Variants in CENPP observed in about 807,000 individuals in gnomAD.
CENPP encodes the protein centromere protein P.
In CENPP, 24 loss-of-function variants were observed where a neutral mutation model predicts 35.6. The observed-to-expected ratio is 0.67, with a 90% CI of 0.49 to 0.95. CENPP has a LOEUF of 0.95. Ranked by LOEUF, CENPP falls within the 40% of genes least tolerant of loss-of-function variation. The pLI, the probability that CENPP is intolerant of heterozygous loss-of-function variation, is 0.00. For synonymous variants in CENPP, 120 were observed against 125.5 expected (o/e 0.96, Z 0.29); for missense variants, 332 against 345.3 (o/e 0.96, Z 0.31).
rs16908474 is a variant in CENPP, at chr9:92,613,694, A to G, written c.*545A>G. 0.019 allele frequency: 2,958 copies of G among 157,322 alleles called. 98 individuals are homozygous for G. The highest frequency in any genetic ancestry group is 0.067 in the African/African-American group (2,789 of 41,580). 9.7% of individuals were successfully genotyped at this position (157,322 alleles called of 1,614,324 possible). On this transcript the variant is annotated 3_prime_UTR_variant, in exon 8 of 8. Transcript: ENST00000375587. The stretch of plus-strand genomic sequence containing the variant: ...CCTCATGCTGTTCTTGGTCTTCCAC[A>G]AGAAAGTGAAGCTGTCAGCTTAATA...
chr9:92,355,367 G>T (rs778776683), intron 4 of CENPP, among the ~76,000 whole-genome samples: 7 of 151,646 alleles, frequency 4.6e-5, no homozygotes, highest in African/African-American at 1.7e-4. Context: ...CTACTTGCAT[G>T]TCTGTTTTTT....
intron 5 of CENPP, among the ~76,000 whole-genome samples, chr9:92,496,744 AT>A (rs889148227): frequency 6.6e-6 from 1 of 152,218 alleles, no homozygotes; most frequent in African/African-American, 2.4e-5. Context: ...GAATGAAAAG[AT>A]TTAAAATTTA....
At chr9:92,359,830 T>C (rs1841696619) in intron 4 of CENPP, among the ~76,000 whole-genome samples, 2 of 151,586 alleles carry the variant, frequency 1.3e-5, no homozygotes, top group African/African-American at 4.9e-5. Flanking sequence ...ATAAGCTGTG[T>C]GTAAGCTGCT....
intron 5 of CENPP, among the ~76,000 whole-genome samples, chr9:92,518,227 G>A (rs1200297784): frequency 6.6e-6 from 1 of 152,156 alleles, no homozygotes; most frequent in Non-Finnish European, 1.5e-5. Context: ...CTAATGTGGG[G>A]ACACAGGGGC....
chr9:92,345,574 T>G (rs1841269327), intron 3 of CENPP, 125 bp from the exon 4 acceptor site: 1 of 621,468 alleles, frequency 1.6e-6, no homozygotes, highest in African/African-American at 1.9e-5. Context: ...TTGTTTTTGT[T>G]TTGTTTCTGT....
chr9:92,333,985 T>C (rs1173237348), intron 2 of CENPP, among the ~76,000 whole-genome samples: 1 of 152,252 alleles, frequency 6.6e-6, no homozygotes, highest in Non-Finnish European at 1.5e-5. Flanking sequence ...TTTAGAACTT[T>C]CTTTTGGAAT....
intron 5 of CENPP, among the ~76,000 whole-genome samples, chr9:92,416,060 A>G (rs575697284): frequency 0.023 from 2,199 of 94,148 alleles, 37 homozygotes; most frequent in East Asian, 0.068. Flanking sequence ...ATATGTGTGT[A>G]TATATATATA....
chr9:92,562,989 G>C (rs1008532452), intron 5 of CENPP, among the ~76,000 whole-genome samples: 1 of 151,924 alleles, frequency 6.6e-6, no homozygotes, highest in African/African-American at 2.4e-5. Context: ...AGTGTCCAGG[G>C]GGATGAAAAA....
chr9:92,330,164 T>G (rs1840696366), intron 1 of CENPP, among the ~76,000 whole-genome samples: 1 of 152,214 alleles, frequency 6.6e-6, no homozygotes, highest in African/African-American at 2.4e-5. Flanking sequence ...TAAGTCCAGA[T>G]GTCAGGCAAG....
At position 92,614,108 on chromosome 9, in the gene CENPP, C is replaced by T. The variant is rs1233908789; in HGVS notation, c.*959C>T. The stretch of plus-strand genomic sequence containing the variant: ...ACAGGCTGTTTTCATCGTGTCTAGT[C>T]CAGCCCTGTCTGGGCCCTGTGCTAG... On this transcript the variant is annotated 3_prime_UTR_variant, in exon 8 of 8. Transcript: ENST00000375587. The T allele has an allele frequency of 1.3e-5, 2 of 152,308 alleles. No homozygotes were observed. The highest frequency in any genetic ancestry group is 2.4e-5 in the African/African-American group (1 of 41,448). 9.4% of individuals were successfully genotyped at this position (152,308 alleles called of 1,614,324 possible).
At chr9:92,472,031 T>C (rs996177131) in intron 5 of CENPP, among the ~76,000 whole-genome samples, 1 of 152,202 alleles carries the variant, frequency 6.6e-6, no homozygotes, top group African/African-American at 2.4e-5. Flanking sequence ...CATTCTATCC[T>C]ACAGCTCTAT....
At chr9:92,586,023 G>A (rs1382301547) in intron 5 of CENPP, among the ~76,000 whole-genome samples, 1 of 152,118 alleles carries the variant, frequency 6.6e-6, no homozygotes. Context: ...AGCTTTCTGG[G>A]AAGTGGTAGC....
At chr9:92,413,868 G>A (rs1307475961) in intron 5 of CENPP, among the ~76,000 whole-genome samples, 1 of 152,200 alleles carries the variant, frequency 6.6e-6, no homozygotes, top group Non-Finnish European at 1.5e-5. Flanking sequence ...GATGTAAAGA[G>A]CATTAAAGAC....
intron 5 of CENPP, among the ~76,000 whole-genome samples, chr9:92,603,497 A>ACACCC (rs1253675415): frequency 6.6e-6 from 1 of 152,102 alleles, no homozygotes; most frequent in Non-Finnish European, 1.5e-5. Flanking sequence ...ACTCACCAAG[A>ACACCC]CACCCACAGT....
At chr9:92,509,971 A>G (rs370587410) in intron 5 of CENPP, 15 of 1,610,952 alleles carry the variant, frequency 9.3e-6, no homozygotes, top group Non-Finnish European at 1.3e-5. Flanking sequence ...GTAGATGGCA[A>G]TTGTGAAGGA....
At chr9:92,393,228 C>A in intron 5 of CENPP, 1 of 1,591,340 alleles carries the variant, frequency 6.3e-7, no homozygotes, top group Non-Finnish European at 8.6e-7. Flanking sequence ...AAACACACAG[C>A]AGACACGTGG....
chr9:92,590,369 T>A (rs1015973159), intron 5 of CENPP, among the ~76,000 whole-genome samples: 10 of 152,254 alleles, frequency 6.6e-5, no homozygotes, highest in Non-Finnish European at 7.3e-5. Flanking sequence ...CTATTACAAA[T>A]GTGTGAATAA....
At chr9:92,416,771 C>A (rs1489186543) in intron 5 of CENPP, 18 of 1,613,782 alleles carry the variant, frequency 1.1e-5, no homozygotes, top group Non-Finnish European at 1.5e-5. Flanking sequence ...GTGTGACATT[C>A]TTAGAGTATG....
chr9:92,587,186 G>C (rs1299308908), intron 5 of CENPP, among the ~76,000 whole-genome samples: 1 of 151,976 alleles, frequency 6.6e-6, no homozygotes, highest in Admixed American at 6.6e-5. Flanking sequence ...TAAAAAGGGG[G>C]CCCAGCCGGA....
Sources: allele counts gnomAD v4.1 joint callset (sites outside exome capture counted in the v4.1 genomes callset), GRCh38; gene constraint gnomAD v4.1.1; transcripts MANE v1.5; gene names NCBI Gene and HGNC (gene_info 2026-07-23, HGNC 2026-07-21).